The following RCAN2 variants were observed in gnomAD, a reference collection of about 807,000 sequenced individuals.
The protein encoded by RCAN2 is regulator of calcineurin 2, also known as calcipressin-2.
In RCAN2, 9 loss-of-function variants were observed where a neutral mutation model predicts 23.6. That is an observed-to-expected ratio of 0.38 (90% CI 0.23 to 0.67). The LOEUF (loss-of-function observed/expected upper bound fraction) is 0.67. Ranked by LOEUF, RCAN2 falls within the 30% of genes least tolerant of loss-of-function variation. The pLI, the probability that RCAN2 is intolerant of heterozygous loss-of-function variation, is 0.51. For missense variants in RCAN2, 273 were observed against 302.3 expected (o/e 0.90, Z 0.72); for synonymous variants, 109 against 115.7 (o/e 0.94, Z 0.37).
At chr6:46,242,142 T>C (rs1431552177) in intron 4 of RCAN2, among the ~76,000 whole-genome samples, 3 of 152,214 alleles carry the variant, frequency 2.0e-5, no homozygotes, top group Admixed American at 6.5e-5. Context: ...AGGATTTCAA[T>C]AGGCACCCAC....
chr6:46,263,116 C>T (rs1767170382), intron 2 of RCAN2, among the ~76,000 whole-genome samples: 1 of 152,172 alleles, frequency 6.6e-6, no homozygotes, highest in Admixed American at 6.5e-5. Flanking sequence ...CATGCAGATG[C>T]CTACACTTTG....
At chr6:46,381,097 G>A (rs6903387) in intron 2 of RCAN2, among the ~76,000 whole-genome samples, 77,192 of 152,000 alleles carry the variant, frequency 0.51, 20,133 homozygotes, top group East Asian at 0.61. Flanking sequence ...ACATGACAAT[G>A]TGCAAAAGAC....
intron 4 of RCAN2, among the ~76,000 whole-genome samples, chr6:46,234,403 C>T (rs1307593568): frequency 6.6e-6 from 1 of 152,186 alleles, no homozygotes; most frequent in Non-Finnish European, 1.5e-5. Flanking sequence ...TCCTCTACCA[C>T]AAGGGCTGAC....
chr6:46,271,492 A>G (rs113340750), intron 2 of RCAN2, among the ~76,000 whole-genome samples: 9 of 152,224 alleles, frequency 5.9e-5, no homozygotes, highest in African/African-American at 2.2e-4. Flanking sequence ...TTGATCAAAC[A>G]TCTGAGCACC....
chr6:46,448,807 T>C (rs1055545848), intron 2 of RCAN2, among the ~76,000 whole-genome samples: 1 of 151,886 alleles, frequency 6.6e-6, no homozygotes, highest in Admixed American at 6.6e-5. Flanking sequence ...CTCAACAATT[T>C]AGTTGTCAAA....
intron 2 of RCAN2, among the ~76,000 whole-genome samples, chr6:46,279,410 A>C (rs1460648791): frequency 6.6e-6 from 1 of 152,162 alleles, no homozygotes; most frequent in Non-Finnish European, 1.5e-5. Flanking sequence ...GGTCCAGATA[A>C]TTCTTTGTTA....
At chr6:46,349,039 G>C (rs1444700762) in intron 2 of RCAN2, among the ~76,000 whole-genome samples, 1 of 152,138 alleles carries the variant, frequency 6.6e-6, no homozygotes, top group Non-Finnish European at 1.5e-5. Context: ...GTCAGAAAGT[G>C]AGCCATTTTT....
At chr6:46,305,484 A>C (rs529676199) in intron 2 of RCAN2, among the ~76,000 whole-genome samples, 2 of 152,074 alleles carry the variant, frequency 1.3e-5, no homozygotes, top group South Asian at 4.2e-4. Context: ...ACTTGTGCTC[A>C]AGATTTCATC....
intron 2 of RCAN2, among the ~76,000 whole-genome samples, chr6:46,318,660 C>T (rs1763519041): frequency 6.6e-6 from 1 of 151,898 alleles, no homozygotes; most frequent in Non-Finnish European, 1.5e-5. Context: ...GTTAGATGTG[C>T]CATTGTAGAA....
chr6:46,291,445 G>T (rs1410515261), intron 2 of RCAN2, among the ~76,000 whole-genome samples: 1 of 151,864 alleles, frequency 6.6e-6, no homozygotes, highest in Non-Finnish European at 1.5e-5. Flanking sequence ...CCAGCGGTGG[G>T]AACCAAGTTT....
chr6:46,313,099 A>G (rs1464906260), intron 2 of RCAN2, among the ~76,000 whole-genome samples: 3 of 152,184 alleles, frequency 2.0e-5, no homozygotes, highest in African/African-American at 7.2e-5. Flanking sequence ...GCTTTAGTGT[A>G]GGCCTCTTCC....
rs575050866 is a variant in RCAN2 at position 46,291,271 on chromosome 6, T to C, written c.226-42375A>G. 1.2e-3 allele frequency among the ~76,000 whole-genome samples: 146 copies of C among 122,324 alleles called. 1 individual carries two copies. The highest frequency in any genetic ancestry group is 4.4e-3 in the African/African-American group (136 of 30,964). 80.2% of individuals were successfully genotyped at this position (122,324 alleles called of 152,430 possible). A position where few individuals can be genotyped will look rare whatever the true frequency, so the allele number is the denominator to read the frequency against. ...TGAACTGAAAGAATTTAAATGTTAA[T>C]TCGCCAGTGTTTTTTTTTTTTTTCC... On this transcript the variant is annotated intron_variant, in intron 2 of 4. Coordinates refer to ENST00000371374, the MANE Select transcript of RCAN2 (RefSeq NM_001251974.2).
At chr6:46,471,351 C>T (rs960886705) in intron 1 of RCAN2, among the ~76,000 whole-genome samples, 5 of 152,156 alleles carry the variant, frequency 3.3e-5, no homozygotes, top group Admixed American at 2.0e-4. Flanking sequence ...ATCTAGGTAA[C>T]AGATGATGGT....
At chr6:46,414,650 C>T (rs1356813100) in intron 2 of RCAN2, among the ~76,000 whole-genome samples, 2 of 152,174 alleles carry the variant, frequency 1.3e-5, no homozygotes, top group Non-Finnish European at 2.9e-5. Flanking sequence ...AGACTAACTT[C>T]CCTGGAGAAA....
intron 2 of RCAN2, among the ~76,000 whole-genome samples, chr6:46,261,929 C>T (rs564958467): frequency 6.6e-6 from 1 of 152,258 alleles, no homozygotes; most frequent in African/African-American, 2.4e-5. Context: ...AGCTGGAGCT[C>T]AGAGAGACAG....
chr6:46,456,990 A>C lies in RCAN2; in HGVS notation c.-2-12T>G. The stretch of plus-strand genomic sequence containing the variant: ...TTCTCCCCTCATTCCTGGGGATACA[A>C]AGATGAGCATGTGTTACTGCAGAAC... On this transcript the variant is annotated splice_polypyrimidine_tract_variant and intron_variant, in intron 1 of 4. Coordinates refer to ENST00000371374, the MANE Select transcript of RCAN2 (RefSeq NM_001251974.2). 1 of 1,528,556 alleles carries C rather than the reference A, an allele frequency of 6.5e-7. No homozygotes were observed. 94.7% of individuals were successfully genotyped at this position (1,528,556 alleles called of 1,614,324 possible).
At chr6:46,360,751 T>C (rs1488285803) in intron 2 of RCAN2, among the ~76,000 whole-genome samples, 1 of 152,156 alleles carries the variant, frequency 6.6e-6, no homozygotes, top group Non-Finnish European at 1.5e-5. Context: ...AATAGCCAAA[T>C]GAACACAAAT....
chr6:46,456,002 T>G (rs1225014933), intron 2 of RCAN2, among the ~76,000 whole-genome samples: 1 of 152,198 alleles, frequency 6.6e-6, no homozygotes, highest in African/African-American at 2.4e-5. Flanking sequence ...TTTAATCCAT[T>G]TAGATACCCC....
chr6:46,429,643 T>A (rs572772093), intron 2 of RCAN2, among the ~76,000 whole-genome samples: 1 of 152,282 alleles, frequency 6.6e-6, no homozygotes, highest in Admixed American at 6.5e-5. Flanking sequence ...ACAAATTATA[T>A]GCCAGGCACT....
Sources: gnomAD v4.1 joint callset for allele counts (sites outside exome capture counted in the v4.1 genomes callset) on GRCh38, gnomAD v4.1.1 for gene constraint, MANE v1.5 for transcripts, NCBI Gene and HGNC (gene_info 2026-07-23, HGNC 2026-07-21) for gene names.